Variants in MRAS observed in about 807,000 individuals in gnomAD.
The protein encoded by MRAS is ras-related protein M-Ras.
In MRAS, 4 loss-of-function variants were observed where a neutral mutation model predicts 20.9. The observed-to-expected ratio is 0.19, with a 90% CI of 0.09 to 0.44. The LOEUF is 0.44. Ranked by LOEUF, MRAS falls within the 20% of genes least tolerant of loss-of-function variation. MRAS has a pLI of 0.99. For missense variants in MRAS, 154 were observed against 277.5 expected (o/e 0.56, Z 3.16); for synonymous variants, 98 against 102.9 (o/e 0.95, Z 0.29).
chr3:138,388,802 C>T (rs1321896549), intron 2 of MRAS, among the ~76,000 whole-genome samples: 5 of 152,252 alleles, frequency 3.3e-5, no homozygotes, highest in South Asian at 4.2e-4. Flanking sequence ...CTTGATATTC[C>T]GTGACCCTTA....
intron 1 of MRAS, among the ~76,000 whole-genome samples, chr3:138,358,196 G>T (rs1420682726): frequency 6.6e-6 from 1 of 152,106 alleles, no homozygotes; most frequent in Non-Finnish European, 1.5e-5. Context: ...AATTAGTGAG[G>T]CCTGGTGGCA....
intron 5 of MRAS, 48 bp from the exon 6 acceptor site, chr3:138,402,122 G>A: frequency 1.3e-6 from 2 of 1,574,440 alleles, no homozygotes; most frequent in Non-Finnish European, 8.7e-7. Flanking sequence ...CAGAGGAGAA[G>A]CAAAGCCCAT....
At chr3:138,351,933 C>G (rs1356491331) in intron 1 of MRAS, among the ~76,000 whole-genome samples, 3 of 152,226 alleles carry the variant, frequency 2.0e-5, no homozygotes, top group East Asian at 1.9e-4. Context: ...GTTTAGCCAT[C>G]TCTGATCTAA....
intron 1 of MRAS, among the ~76,000 whole-genome samples, chr3:138,363,678 G>GA: frequency 6.6e-6 from 1 of 152,226 alleles, no homozygotes; most frequent in Non-Finnish European, 1.5e-5. Context: ...GCATGTGTGT[G>GA]TCTTGAGAGG....
rs868526652 is a variant in MRAS, at chr3:138,385,857, A to G, written c.194-11467A>G. ...AGATGAGAGAAATTACAGCACATTT[A>G]CCTGCTGGTGGAAATAAACCAATAG... On this transcript the variant is annotated intron_variant, in intron 2 of 5. Coordinates refer to ENST00000423968, the MANE Select transcript of MRAS (RefSeq NM_001085049.3). Among the ~76,000 whole-genome samples, 4 of 152,244 alleles carry G rather than the reference A, an allele frequency of 2.6e-5. No homozygotes were observed. In the South Asian group the frequency reaches 8.3e-4, roughly 32 times the overall value.
intron 1 of MRAS, among the ~76,000 whole-genome samples, chr3:138,372,077 G>C (rs1373122999): frequency 6.6e-6 from 1 of 152,122 alleles, no homozygotes; most frequent in African/African-American, 2.4e-5. Context: ...CACTGGGGGG[G>C]ACTGCCCTGC....
At chr3:138,388,486 G>A (rs376274837) in intron 2 of MRAS, among the ~76,000 whole-genome samples, 2 of 152,152 alleles carry the variant, frequency 1.3e-5, no homozygotes, top group African/African-American at 4.8e-5. Context: ...ATCACTTGAG[G>A]CCAGGAGTTC....
chr3:138,373,076 G>A lies in MRAS; in HGVS notation c.193G>A (p.Val65Ile), dbSNP rs767599082. 4.1e-6 allele frequency: 6 copies of A among 1,463,646 alleles called. No homozygotes were observed. The highest frequency in any genetic ancestry group is 4.5e-6 in the Non-Finnish European group (5 of 1,107,302). The allele number at this position is 1,463,646 out of a possible 1,614,324, so 90.7% of individuals were successfully genotyped here. A position where few individuals can be genotyped will look rare whatever the true frequency, so the allele number is the denominator to read the frequency against. Residue 65 changes from valine to isoleucine, a missense_variant and splice_region_variant, in exon 2 of 6, where the codon GTT (valine) becomes ATT (isoleucine). This residue lies in a region of MRAS where 125 missense variants were observed against 213.5 expected (regional missense o/e 0.59). Transcript: ENST00000423968. ...EIDNQWAILDVLDTAGQEEFS... is the reference protein window; with the variant it reads ...EIDNQWAILDILDTAGQEEFS... ...TGACAATCAATGGGCCATCTTGGAC[G>A]GTGAGACCTGGGTGGCAGCCCTGCA...
chr3:138,384,874 C>A (rs2054978153), intron 2 of MRAS, among the ~76,000 whole-genome samples: 1 of 152,136 alleles, frequency 6.6e-6, no homozygotes. Context: ...AAGGCAGGGA[C>A]CATCAGCTAA....
In MRAS at chr3:138,374,309, A is replaced by T. The variant is rs188718076; in HGVS notation, c.193+1233A>T. ...GCATAGGTCTTTTACATGTTTTGTC[A>T]GTTTTATACCTGTATCTGTATTGAT... On this transcript the variant is annotated intron_variant, in intron 2 of 5. Coordinates refer to ENST00000423968, the MANE Select transcript of MRAS (RefSeq NM_001085049.3). Among the ~76,000 whole-genome samples, 14 of 152,204 alleles carry T rather than the reference A, an allele frequency of 9.2e-5. No individual in the cohort carries two copies. The East Asian group carries it at 2.5e-3, about 27-fold the overall frequency.
At chr3:138,381,379 G>A (rs2054899651) in intron 2 of MRAS, among the ~76,000 whole-genome samples, 1 of 152,212 alleles carries the variant, frequency 6.6e-6, no homozygotes, top group Non-Finnish European at 1.5e-5. Flanking sequence ...TAGCTGGAGA[G>A]CCAGGTTTTG....
chr3:138,351,865 A>G (rs990972637), intron 1 of MRAS, among the ~76,000 whole-genome samples: 1 of 152,186 alleles, frequency 6.6e-6, no homozygotes, highest in South Asian at 2.1e-4. Context: ...TTGATGTACA[A>G]AGTTGGACAT....
At chr3:138,375,171 G>A (rs2054757959) in intron 2 of MRAS, among the ~76,000 whole-genome samples, 1 of 152,128 alleles carries the variant, frequency 6.6e-6, no homozygotes, top group Admixed American at 6.5e-5. Context: ...ACAGGTGTGA[G>A]CCACCATCCC....
intron 1 of MRAS, among the ~76,000 whole-genome samples, chr3:138,352,526 A>T (rs76852836): frequency 1.3e-5 from 2 of 152,280 alleles, no homozygotes; most frequent in East Asian, 3.9e-4. Flanking sequence ...ATATATAAAA[A>T]TGTATTTTTT....
intron 4 of MRAS, among the ~76,000 whole-genome samples, chr3:138,399,320 C>T (rs2055309729): frequency 6.6e-6 from 1 of 152,192 alleles, no homozygotes; most frequent in African/African-American, 2.4e-5. Context: ...TAATGAAGAG[C>T]AGTTTCCATT....
At chr3:138,360,233 G>T (rs909202817) in intron 1 of MRAS, among the ~76,000 whole-genome samples, 2 of 152,224 alleles carry the variant, frequency 1.3e-5, no homozygotes. Context: ...GGGGGGATCA[G>T]TCAGAAAGCA....
At chr3:138,390,919 TTTA>T (rs2055119451) in intron 2 of MRAS, among the ~76,000 whole-genome samples, 1 of 152,260 alleles carries the variant, frequency 6.6e-6, no homozygotes, top group Admixed American at 6.5e-5. Context: ...GAATTGAAAA[TTTA>T]TTATTATCAA....
intron 1 of MRAS, among the ~76,000 whole-genome samples, chr3:138,356,912 C>A (rs552451223): frequency 2.0e-5 from 3 of 152,218 alleles, no homozygotes; most frequent in Non-Finnish European, 4.4e-5. Context: ...CCGTCCCACC[C>A]ACCGCAGTGG....
At chr3:138,389,796 A>G (rs2055091993) in intron 2 of MRAS, among the ~76,000 whole-genome samples, 1 of 151,890 alleles carries the variant, frequency 6.6e-6, no homozygotes, top group Non-Finnish European at 1.5e-5. Flanking sequence ...GGGTGTGTAT[A>G]AAGCCTTTGG....
Sources: allele counts gnomAD v4.1 joint callset (sites outside exome capture counted in the v4.1 genomes callset), GRCh38; gene constraint gnomAD v4.1.1; regional missense constraint gnomAD v4.1.1; transcripts MANE v1.5; gene names NCBI Gene and HGNC (gene_info 2026-07-23, HGNC 2026-07-21).